The following DMD variants were observed in gnomAD, a reference collection of about 807,000 sequenced individuals.
DMD encodes the protein dystrophin.
A neutral mutation model predicts 330.1 loss-of-function variants in DMD; 63 were observed. That is an observed-to-expected ratio of 0.19 (90% CI 0.16 to 0.24). The LOEUF (loss-of-function observed/expected upper bound fraction) is 0.24. Among genes scored for constraint, DMD ranks in the 10% least tolerant of loss-of-function variants. The pLI, the probability that DMD is intolerant of heterozygous loss-of-function variation, is 1.00. For synonymous variants in DMD, 1,223 were observed against 959.8 expected, an observed-to-expected ratio of 1.27 and a Z score of -5.07; for missense variants, 3,344 against 2,684.1, an observed-to-expected ratio of 1.25 and a Z score of -5.43.
At chrX:31,178,585 T>C in intron 70 of DMD, 84 bp downstream of exon 70, 3 of 1,117,551 alleles carry the variant, frequency 2.7e-6, no homozygotes, top group Admixed American at 2.6e-5. Flanking sequence ...ACTGTTTGCA[T>C]TTGGGAGTGA....
intron 15 of DMD, among the ~76,000 whole-genome samples, chrX:32,572,721 G>T (rs1031868335): frequency 9.1e-6 from 1 of 110,337 alleles, no homozygotes; most frequent in Non-Finnish European, 1.9e-5. Flanking sequence ...GAAAAACTAG[G>T]TGATATTGTT....
chrX:32,411,005 G>A lies in DMD; in HGVS notation c.4233+747C>T, dbSNP rs765909206. Among the ~76,000 whole-genome samples the A allele has an allele frequency of 8.0e-5, 9 of 111,885 alleles. No homozygotes were observed. The East Asian group carries it at 2.2e-3, about 28-fold the overall frequency. ...AATAATTGAGGTGTAAATTTATATC[G>A]ATAATTTTGTGTTACTCACTGCTTG... On this transcript the variant is annotated intron_variant, in intron 30 of 78. Coordinates refer to ENST00000357033, the MANE Select transcript of DMD (RefSeq NM_004006.3).
chrX:32,981,468 T>C (rs2092706528), intron 2 of DMD, among the ~76,000 whole-genome samples: 1 of 111,704 alleles, frequency 9.0e-6, no homozygotes, highest in Non-Finnish European at 1.9e-5. Context: ...AAGGTTTAGG[T>C]ATTCTGAAAT....
At chrX:32,355,245 C>T (rs1472451346) in intron 37 of DMD, among the ~76,000 whole-genome samples, 1 of 110,520 alleles carries the variant, frequency 9.0e-6, no homozygotes, top group South Asian at 3.8e-4. Flanking sequence ...TAAATAGAGG[C>T]AGTAAACTAT....
chrX:31,384,009 G>A (rs2060313779), intron 60 of DMD, among the ~76,000 whole-genome samples: 1 of 112,129 alleles, frequency 8.9e-6, no homozygotes, highest in African/African-American at 3.2e-5. Flanking sequence ...CCTCCACTGA[G>A]CTGTTAACAC....
intron 71 of DMD, among the ~76,000 whole-genome samples, chrX:31,174,380 C>G (rs1354628752): frequency 1.8e-5 from 2 of 111,642 alleles, no homozygotes; most frequent in Non-Finnish European, 3.8e-5. Flanking sequence ...TTTCTTATCT[C>G]CATAGGCTAG....
At chrX:32,784,729 T>C (rs767628430) in intron 7 of DMD, among the ~76,000 whole-genome samples, 4 of 111,873 alleles carry the variant, frequency 3.6e-5, no homozygotes, top group Admixed American at 1.9e-4. Flanking sequence ...TAAAATCCCA[T>C]ATAAGAATTA....
intron 62 of DMD, among the ~76,000 whole-genome samples, chrX:31,266,582 G>A (rs1005437374): frequency 8.9e-6 from 1 of 112,195 alleles, no homozygotes; most frequent in African/African-American, 3.2e-5. Context: ...CAAAGCCGAG[G>A]GAAGAGGTTC....
At chrX:32,602,857 C>A (rs1049238977) in intron 12 of DMD, among the ~76,000 whole-genome samples, 1 of 111,159 alleles carries the variant, frequency 9.0e-6, no homozygotes, top group Non-Finnish European at 1.9e-5. Context: ...TGGAGTCAAG[C>A]TTCACTGGAA....
intron 2 of DMD, among the ~76,000 whole-genome samples, chrX:32,975,791 G>A (rs1394133645): frequency 9.0e-6 from 1 of 111,667 alleles, no homozygotes. Flanking sequence ...GTGTAAAAGA[G>A]CAAGAAGATC....
At chrX:32,532,786 A>G (rs756631625) in intron 17 of DMD, among the ~76,000 whole-genome samples, 2 of 112,178 alleles carry the variant, frequency 1.8e-5, no homozygotes, top group Non-Finnish European at 3.8e-5. Context: ...AGTAAAAGCC[A>G]CAATTGGAAT....
At chrX:31,689,715 A>G (rs2082972672) in intron 52 of DMD, among the ~76,000 whole-genome samples, 1 of 111,689 alleles carries the variant, frequency 9.0e-6, no homozygotes, top group Admixed American at 9.5e-5. Context: ...CCTGACTTCA[A>G]ACTATACTAC....
intron 50 of DMD, among the ~76,000 whole-genome samples, chrX:31,812,745 T>C (rs1437744780): frequency 8.9e-6 from 1 of 111,930 alleles, no homozygotes; most frequent in Non-Finnish European, 1.9e-5. Flanking sequence ...TCTGGAATCA[T>C]AGAGACTTAT....
chrX:31,936,175 AT>A (rs1461491959), intron 45 of DMD, among the ~76,000 whole-genome samples: 5 of 111,296 alleles, frequency 4.5e-5, no homozygotes, highest in Admixed American at 1.9e-4. Context: ...GTTTGCTTTC[AT>A]TTTTTATTAT....
chrX:31,908,941 T>G (rs1194449846), intron 47 of DMD, among the ~76,000 whole-genome samples: 1 of 111,707 alleles, frequency 9.0e-6, no homozygotes. Flanking sequence ...AAATGGTAAG[T>G]GCTAAAGGGA....
At chrX:32,543,890 C>T (rs762692381) in intron 17 of DMD, among the ~76,000 whole-genome samples, 17 of 111,615 alleles carry the variant, frequency 1.5e-4, no homozygotes, top group Non-Finnish European at 2.4e-4. Context: ...CAAACTCTGC[C>T]GTTGTAATGC....
intron 55 of DMD, among the ~76,000 whole-genome samples, chrX:31,597,921 G>A (rs937330946): frequency 9.0e-6 from 1 of 111,114 alleles, no homozygotes; most frequent in African/African-American, 3.3e-5. Flanking sequence ...GGCAAACAAC[G>A]TCTTTTGATT....
intron 67 of DMD, among the ~76,000 whole-genome samples, chrX:31,194,350 A>G (rs1167389017): frequency 2.7e-5 from 3 of 112,474 alleles, no homozygotes; most frequent in Non-Finnish European, 3.8e-5. Context: ...TGTGGACTGC[A>G]TATCAGAGGG....
At chrX:32,729,814 T>C (rs1257360732) in intron 7 of DMD, among the ~76,000 whole-genome samples, 1 of 112,065 alleles carries the variant, frequency 8.9e-6, no homozygotes, top group Non-Finnish European at 1.9e-5. Context: ...AAAAACGTTG[T>C]CTCAGCAGGG....
Sources: allele counts gnomAD v4.1 joint callset (sites outside exome capture counted in the v4.1 genomes callset), GRCh38; gene constraint gnomAD v4.1.1; transcripts MANE v1.5; gene names NCBI Gene and HGNC (gene_info 2026-07-23, HGNC 2026-07-21).